PRDM1: variants seen among roughly 807,000 people sequenced by gnomAD.
PRDM1 encodes PR/SET domain 1.
PRDM1 carries 13 observed loss-of-function variants against 62.8 expected under a neutral mutation model. The observed-to-expected ratio is 0.21, with a 90% CI of 0.13 to 0.33. The LOEUF (loss-of-function observed/expected upper bound fraction) is 0.33, where lower values mean the gene tolerates loss of function less well. Ranked by LOEUF, PRDM1 falls within the 10% of genes least tolerant of loss-of-function variation. The probability of loss-of-function intolerance (pLI) is 1.00; values close to 1 mark genes in which losing one functional copy is unlikely to be tolerated. For synonymous variants in PRDM1, 396 were observed against 417.6 expected (o/e 0.95, Z 0.63); for missense variants, 895 against 1,058.8 (o/e 0.85, Z 2.15).
rs1774502345 is a variant in PRDM1 at position 106,106,754 on chromosome 6, C to A, written c.1903-157C>A. Reference sequence around the variant, plus strand: ...TCGTGTGCTGTGTGCCCACATCCCCCCGTTTGCTTAATACCACACTGGAGG... The same window carrying A: ...TCGTGTGCTGTGTGCCCACATCCCCACGTTTGCTTAATACCACACTGGAGG... On this transcript the variant is annotated intron_variant, in intron 6 of 6. Transcript: ENST00000369096. This position sits in a 1 kb window ranked among gnomAD's most constrained non-coding sequence, Gnocchi z 4.4. Among the ~76,000 whole-genome samples the A allele has an allele frequency of 6.6e-6, 1 of 152,184 alleles. No individual in the cohort carries two copies. Among genetic ancestry groups the A allele is most frequent in the Non-Finnish European group, 1.5e-5 (1 of 68,032 alleles).
At chr6:106,082,324 A>G (rs564679043), upstream of PRDM1, among the ~76,000 whole-genome samples, 21 of 152,306 alleles carry the variant, frequency 1.4e-4, no homozygotes, top group South Asian at 4.4e-3. Flanking sequence ...CTGAATATTC[A>G]CTATGATAAA....
chr6:106,088,221 C>T lies in PRDM1; in HGVS notation c.63C>T (p.Ser21=). ...GTTLAAPKCN[S]STVRFQGLAE... ...TCCAGGCTGCCCCCAAGTGTAACTCCAGCACTGTGAGGTTTCAGGGATTGG... is the reference window on the plus strand; with the variant it reads ...TCCAGGCTGCCCCCAAGTGTAACTCTAGCACTGTGAGGTTTCAGGGATTGG... The change falls in exon 2 of 7, where the codon TCC becomes TCT. Residue 21 remains serine, a synonymous_variant. Coordinates refer to ENST00000369096, the MANE Select transcript of PRDM1 (RefSeq NM_001198.4). 6.2e-7 allele frequency: 1 copy of T among 1,612,800 alleles called. No homozygotes were observed. Among genetic ancestry groups the T allele is most frequent in the Non-Finnish European group, 8.5e-7 (1 of 1,179,418 alleles).
At chr6:106,067,199 G>C (rs917888043) in intron 1 of PRDM1, among the ~76,000 whole-genome samples, 8 of 152,138 alleles carry the variant, frequency 5.3e-5, no homozygotes, top group African/African-American at 1.4e-4. Flanking sequence ...ATTCCACATT[G>C]TTAATCATTT....
At chr6:106,033,526 G>C (rs1772879404) in intron 1 of PRDM1, among the ~76,000 whole-genome samples, 1 of 152,002 alleles carries the variant, frequency 6.6e-6, no homozygotes, top group East Asian at 1.9e-4. Flanking sequence ...CTGTTGACCA[G>C]GCTGGTCTTG....
intron 1 of PRDM1, among the ~76,000 whole-genome samples, chr6:106,027,599 C>G (rs1182718676): frequency 3.3e-5 from 5 of 149,558 alleles, no homozygotes; most frequent in South Asian, 4.2e-4. Context: ...AAAGTACAGA[C>G]TGCATGGAAA....
At chr6:106,084,163 C>T (rs768027113), upstream of PRDM1, among the ~76,000 whole-genome samples, 36 of 151,204 alleles carry the variant, frequency 2.4e-4, no homozygotes, top group Non-Finnish European at 4.7e-4. Context: ...TTTTTTTTTC[C>T]CAATCACTTT....
At chr6:106,016,027 G>C (rs1772615016) in intron 1 of PRDM1, among the ~76,000 whole-genome samples, 1 of 151,942 alleles carries the variant, frequency 6.6e-6, no homozygotes, top group Non-Finnish European at 1.5e-5. Flanking sequence ...ATTATACTTT[G>C]TTTATATGAA....
intron 1 of PRDM1, among the ~76,000 whole-genome samples, chr6:106,034,635 C>CTCTCTTTTT (rs745833853): frequency 1.1e-5 from 1 of 88,420 alleles, no homozygotes; most frequent in African/African-American, 4.6e-5. Context: ...TGTTCTCTCT[C>CTCTCTTTTT]TTTTTTTTTT....
At chr6:106,032,013 A>G (rs540185159) in intron 1 of PRDM1, among the ~76,000 whole-genome samples, 4 of 152,272 alleles carry the variant, frequency 2.6e-5, no homozygotes, top group Non-Finnish European at 4.4e-5. Flanking sequence ...TGCAATTAGT[A>G]TATGTTGTGA....
At position 106,105,728 on chromosome 6, in the gene PRDM1, C is replaced by T; in HGVS notation, c.1568C>T (p.Ala523Val). The stretch of plus-strand genomic sequence containing the variant: ...GGGTCTCCCACGGCGGGAACAGCCG[C>T]CACGGCAGAACATGTGGTGCAGCCC... ...TSGSPTAGTA[A>V]TAEHVVQPKA... Residue 523 changes from alanine to valine, a missense_variant, in exon 5 of 7, where the codon GCC becomes GTC. Physicochemically the swap from Ala to Val is moderately conservative, Grantham distance 64. Around this residue, in one of 4 missense-constraint regions of PRDM1, gnomAD observed 444 missense variants for 422.7 expected, o/e 1.05. Coordinates refer to ENST00000369096, the MANE Select transcript of PRDM1 (RefSeq NM_001198.4). The T allele has an allele frequency of 6.2e-7, 1 of 1,613,942 alleles. No homozygotes were observed. Among genetic ancestry groups the T allele is most frequent in the South Asian group, 1.1e-5 (1 of 91,086 alleles).
chr6:106,042,205 C>T (rs1244477542), intron 1 of PRDM1, among the ~76,000 whole-genome samples: 2 of 151,406 alleles, frequency 1.3e-5, no homozygotes, highest in African/African-American at 4.8e-5. Context: ...ATTAGAGTAC[C>T]TTTCTTCAGT....
At chr6:106,048,308 G>A (rs1305898514), upstream of PRDM1, among the ~76,000 whole-genome samples, 1 of 151,818 alleles carries the variant, frequency 6.6e-6, no homozygotes, top group African/African-American at 2.4e-5. Context: ...GATTGCTGGA[G>A]CCCAGGAGTC....
chr6:106,054,853 GTA>G (rs1317772928), intron 1 of PRDM1, among the ~76,000 whole-genome samples: 1 of 152,168 alleles, frequency 6.6e-6, no homozygotes, highest in Non-Finnish European at 1.5e-5. Context: ...TGAGAATAGT[GTA>G]TATGTGTTCT....
chr6:106,107,317 C>T lies in PRDM1; in HGVS notation c.2309C>T (p.Thr770Ile). The T allele has an allele frequency of 6.2e-7, 1 of 1,614,110 alleles. No individual in the cohort carries two copies. Among genetic ancestry groups the T allele is most frequent in the Non-Finnish European group, 8.5e-7 (1 of 1,180,028 alleles). Residue 770 changes from threonine to isoleucine, a missense_variant, in exon 7 of 7, where the codon ACT becomes ATT. Thr to Ile is a moderately conservative substitution (Grantham distance 89). Coordinates refer to ENST00000369096, the MANE Select transcript of PRDM1 (RefSeq NM_001198.4). ...GTGGTCAGAAAAGAGAAAGAAGAAA[C>T]TGGCCTGAAAGTGTCTTTGCAAAGA... ...LAVVRKEKEETGLKVSLQRNM... is the reference protein window; with the variant it reads ...LAVVRKEKEEIGLKVSLQRNM...
intron 4 of PRDM1, among the ~76,000 whole-genome samples, chr6:106,102,673 C>T (rs1236928333): frequency 6.6e-6 from 1 of 152,144 alleles, no homozygotes; most frequent in African/African-American, 2.4e-5. Flanking sequence ...TGGACTGAAA[C>T]TTTATGCTTA....
intron 1 of PRDM1, among the ~76,000 whole-genome samples, chr6:106,019,263 A>T (rs1772663118): frequency 6.9e-6 from 1 of 145,520 alleles, no homozygotes; most frequent in African/African-American, 2.6e-5. Flanking sequence ...CAAAAAAAAA[A>T]AAAAAAAAAA....
At chr6:106,090,117 G>A (rs751002819) in intron 2 of PRDM1, among the ~76,000 whole-genome samples, 5 of 152,144 alleles carry the variant, frequency 3.3e-5, no homozygotes, top group South Asian at 2.1e-4. Context: ...AAGCCAGACC[G>A]GGGACTTGAA....
chr6:106,024,117 G>T (rs1418821646), intron 1 of PRDM1, among the ~76,000 whole-genome samples: 1 of 151,516 alleles, frequency 6.6e-6, no homozygotes, highest in Non-Finnish European at 1.5e-5. Flanking sequence ...ACTCCAGCCT[G>T]GGTGACAAAG....
intron 1 of PRDM1, among the ~76,000 whole-genome samples, chr6:106,055,199 TA>T (rs1221097382): frequency 6.6e-6 from 1 of 152,210 alleles, no homozygotes; most frequent in Non-Finnish European, 1.5e-5. Context: ...GCTGTTAGGA[TA>T]CTGGGCAGGG....
Sources: gnomAD v4.1 joint callset for allele counts (sites outside exome capture counted in the v4.1 genomes callset) on GRCh38, gnomAD v4.1.1 for gene constraint, gnomAD v4.1.1 regional missense constraint, Gnocchi (gnomAD v3.1) non-coding constraint, MANE v1.5 for transcripts, NCBI Gene and HGNC (gene_info 2026-07-23, HGNC 2026-07-21) for gene names.